The following PROC variants were observed in gnomAD, a reference collection of about 807,000 sequenced individuals.
PROC encodes the protein protein C, inactivator of coagulation factors Va and VIIIa.
In PROC, 22 loss-of-function variants were observed where a neutral mutation model predicts 36.3. The observed-to-expected ratio is 0.61, with a 90% confidence interval of 0.43 to 0.86. The LOEUF (loss-of-function observed/expected upper bound fraction) is 0.86. PROC is among the 40% of genes least tolerant of loss of function. The pLI, the probability that PROC is intolerant of heterozygous loss-of-function variation, is 0.00. For missense variants in PROC, 526 were observed against 629.7 expected (o/e 0.84, Z 1.76); for synonymous variants, 218 against 244.5 (o/e 0.89, Z 1.01).
intron 8 of PROC, 114 bp from the exon 9 acceptor site, chr2:127,428,240 CCTT>C: frequency 1.9e-6 from 2 of 1,028,772 alleles, no homozygotes. Flanking sequence ...TCCGGGTGAA[CCTT>C]CTTCAGGCCC....
At chr2:127,424,529 T>C (rs1221661907) in intron 6 of PROC, among the ~76,000 whole-genome samples, 2 of 152,166 alleles carry the variant, frequency 1.3e-5, no homozygotes, top group Non-Finnish European at 2.9e-5. Flanking sequence ...AACTTTATAA[T>C]TCAATTCTTC....
At chr2:127,423,458 G>A (rs773906434) in intron 6 of PROC, 50 bp downstream of exon 6, 6 of 1,534,418 alleles carry the variant, frequency 3.9e-6, no homozygotes, top group South Asian at 1.2e-5. Flanking sequence ...GTGCAGGGTG[G>A]GCAGGCCCCC....
chr2:127,421,405 G>A lies in PROC; in HGVS notation c.193G>A (p.Asp65Asn), dbSNP rs1287265930. ...LERECIEEIC[D>N]FEEAKEIFQN... ...GCGGGAGTGCATAGAGGAGATCTGT[G>A]ACTTCGAGGAGGCCAAGGAAATTTT... The change falls in exon 3 of 9, where the codon GAC becomes AAC. Residue 65 changes from aspartate (D) to asparagine (N), a missense_variant. Asp to Asn is a conservative substitution (Grantham distance 23). Coordinates refer to ENST00000234071, the MANE Select transcript of PROC (RefSeq NM_000312.4). 1 of 1,613,972 alleles carries A rather than the reference G, an allele frequency of 6.2e-7. No individual in the cohort carries two copies. Among genetic ancestry groups the A allele is most frequent in the Admixed American group, 1.7e-5 (1 of 60,030 alleles).
chr2:127,419,229 G>A (rs1325002661), intron 1 of PROC, among the ~76,000 whole-genome samples: 1 of 152,178 alleles, frequency 6.6e-6, no homozygotes, highest in African/African-American at 2.4e-5. Context: ...ACTCCTCCGA[G>A]TCTCAGTTTC....
At chr2:127,428,260 C>T (rs1688653244) in intron 8 of PROC, 97 bp from the exon 9 acceptor site, 2 of 1,232,242 alleles carry the variant, frequency 1.6e-6, no homozygotes, top group Non-Finnish European at 2.3e-6. Context: ...GCCCTCTGCC[C>T]AGGCCTGCAG....
chr2:127,422,640 GGA>G (rs1376807044), intron 3 of PROC, among the ~76,000 whole-genome samples: 1 of 152,234 alleles, frequency 6.6e-6, no homozygotes, highest in Non-Finnish European at 1.5e-5. Context: ...GGCTGCTGTG[GGA>G]GCAGACAGTC....
In PROC at chr2:127,426,326, C is replaced by G; in HGVS notation, c.678+99C>G. 1.3e-6 allele frequency: 2 copies of G among 1,534,380 alleles called. No individual in the cohort carries two copies. The highest frequency in any genetic ancestry group is 2.3e-5 in the East Asian group (1 of 43,924). On this transcript the variant is annotated intron_variant, in intron 7 of 8. Coordinates refer to ENST00000234071, the MANE Select transcript of PROC (RefSeq NM_000312.4). This position sits in a 1 kb window ranked among gnomAD's most constrained non-coding sequence, Gnocchi z 7.0. ...CAGGGTGCAGAAACCGAGAGGGAAG[C>G]GCTGCCATTGCGTTTGGGGGATGAT... is the stretch of plus-strand genomic sequence containing the variant.
intron 2 of PROC, among the ~76,000 whole-genome samples, chr2:127,420,887 C>T (rs1688053556): frequency 1.3e-5 from 2 of 152,226 alleles, no homozygotes; most frequent in South Asian, 4.1e-4. Context: ...GCAGCCTTTA[C>T]AGCAGCAGCC....
chr2:127,425,072 G>A (rs1164529550), intron 6 of PROC, among the ~76,000 whole-genome samples: 1 of 152,244 alleles, frequency 6.6e-6, no homozygotes, highest in Non-Finnish European at 1.5e-5. Flanking sequence ...CAGGCAGGGA[G>A]AGGGGAGTCA....
intron 6 of PROC, among the ~76,000 whole-genome samples, chr2:127,424,514 T>C (rs1025678811): frequency 4.6e-5 from 7 of 152,148 alleles, no homozygotes; most frequent in Non-Finnish European, 1.0e-4. Context: ...CAGGGAACTT[T>C]CTACAACTTT....
intron 6 of PROC, among the ~76,000 whole-genome samples, chr2:127,424,491 G>A (rs898584252): frequency 1.1e-4 from 16 of 152,044 alleles, no homozygotes; most frequent in African/African-American, 3.6e-4. Context: ...GAGCCACCGC[G>A]CCCAGCCTCT....
At position 127,423,394 on chromosome 2, in the gene PROC, A is replaced by T; in HGVS notation, c.521A>T (p.Gln174Leu). The change falls in exon 6 of 9, where the codon CAG (glutamine) becomes CTG (leucine). Residue 174 changes from glutamine (Q) to leucine (L), a missense_variant. Physicochemically the swap from Gln to Leu is moderately radical, Grantham distance 113 (BLOSUM62 -2). Coordinates refer to ENST00000234071, the MANE Select transcript of PROC (RefSeq NM_000312.4). ...PGYKLGDDLL[Q>L]CHPAVKFPCG... ...TACAAGCTGGGGGACGACCTCCTGCAGTGTCACCCCGCAGGTGAGAAGCCC... is the reference window on the plus strand; with the variant it reads ...TACAAGCTGGGGGACGACCTCCTGCTGTGTCACCCCGCAGGTGAGAAGCCC... 3 of 1,550,264 alleles carry T rather than the reference A, an allele frequency of 1.9e-6. No homozygotes were observed. The highest frequency in any genetic ancestry group is 2.6e-6 in the Non-Finnish European group (3 of 1,147,134).
At chr2:127,423,242 C>T (rs1193319028) in intron 5 of PROC, 32 bp from the exon 6 acceptor site, 3 of 1,534,862 alleles carry the variant, frequency 2.0e-6, no homozygotes, top group Non-Finnish European at 2.6e-6. Flanking sequence ...GCGGCACCAG[C>T]ACCAGCTGCC....
intron 3 of PROC, among the ~76,000 whole-genome samples, chr2:127,422,592 G>A (rs1232059598): frequency 2.0e-5 from 3 of 152,272 alleles, no homozygotes; most frequent in Non-Finnish European, 4.4e-5. Context: ...AGGAGGCCGA[G>A]TGACTTGGTG....
intron 8 of PROC, 78 bp downstream of exon 8, chr2:127,427,300 G>GCGGGGTCCCCCAA: frequency 7.7e-7 from 1 of 1,305,170 alleles, no homozygotes; most frequent in Non-Finnish European, 1.1e-6. Context: ...AGGTTTGGGG[G>GCGGGGTCCCCCAA]ACCCCGCTCC....
Position 127,421,462 on chromosome 2 carries a change from T to A in PROC, c.237+13T>A. 1 of 1,613,700 alleles carries A rather than the reference T, an allele frequency of 6.2e-7. No homozygotes were observed. The highest frequency in any genetic ancestry group is 2.2e-5 in the East Asian group (1 of 44,886). ...TGTGGATGACACAGTAAGGCCACCA[T>A]GGGTCCAGAGGATGAGGCTCAGGGG... On this transcript the variant is annotated intron_variant, in intron 3 of 8. Transcript: ENST00000234071.
chr2:127,419,920 A>G lies in PROC; in HGVS notation c.-21-2A>G. 3 of 1,613,946 alleles carry G rather than the reference A, an allele frequency of 1.9e-6. No individual in the cohort carries two copies. The highest frequency in any genetic ancestry group is 2.2e-5 in the East Asian group (1 of 44,884). On this transcript the variant is annotated splice_acceptor_variant, in intron 1 of 8. Transcript: ENST00000234071. LOFTEE classifies it low-confidence loss of function (5UTR_SPLICE). The stretch of plus-strand genomic sequence containing the variant: ...TGCCCGGAGCTCAGAAGTCCTCCTC[A>G]GACAGGTGCCAGTGCCTCCAGAATG...
chr2:127,419,839 C>T, intron 1 of PROC, 83 bp from the exon 2 acceptor site: 1 of 1,606,488 alleles, frequency 6.2e-7, no homozygotes, highest in Non-Finnish European at 8.5e-7. Flanking sequence ...CAGGGACAGC[C>T]CTTTCATTCC....
Position 127,426,817 on chromosome 2 carries a change from G to T in PROC, c.679-288G>T, listed in dbSNP as rs1199510913. ...ACAAAGTCTTCCTGGAAGACACAAG[G>T]CCTGGCCAAGCCTCTAAGGATGAGA... On this transcript the variant is annotated intron_variant, in intron 7 of 8. Transcript: ENST00000234071. This position sits in a 1 kb window ranked among gnomAD's most constrained non-coding sequence, Gnocchi z 7.0. Among the ~76,000 whole-genome samples, 1 of 152,228 alleles carries T rather than the reference G, an allele frequency of 6.6e-6. No individual in the cohort carries two copies. Among genetic ancestry groups the T allele is most frequent in the Non-Finnish European group, 1.5e-5 (1 of 68,042 alleles).
Sources: allele counts gnomAD v4.1 joint callset (sites outside exome capture counted in the v4.1 genomes callset), GRCh38; gene constraint gnomAD v4.1.1; non-coding constraint Gnocchi (gnomAD v3.1); transcripts MANE v1.5; gene names NCBI Gene and HGNC (gene_info 2026-07-23, HGNC 2026-07-21).